The following DENND1B variants were observed in gnomAD, a reference collection of about 807,000 sequenced individuals.
DENND1B encodes DENN domain containing 1B, also known as DENN domain-containing protein 1B.
In DENND1B, 59 loss-of-function variants were observed where a neutral mutation model predicts 90.1. The ratio of observed to expected loss-of-function variants is 0.65; its 90% confidence interval spans 0.53 to 0.81. The LOEUF (loss-of-function observed/expected upper bound fraction) is 0.81, where lower values mean the gene tolerates loss of function less well. Ranked by LOEUF, DENND1B falls within the 40% of genes least tolerant of loss-of-function variation. The pLI, the probability that DENND1B is intolerant of heterozygous loss-of-function variation, is 0.00. For missense variants in DENND1B, 862 were observed against 912.6 expected, an observed-to-expected ratio of 0.94 and a Z score of 0.71; for synonymous variants, 337 against 324.6, an observed-to-expected ratio of 1.04 and a Z score of -0.41.
intron 2 of DENND1B, among the ~76,000 whole-genome samples, chr1:197,756,795 ATTAGAG>A (rs1401783975): frequency 2.6e-5 from 4 of 151,618 alleles, no homozygotes; most frequent in Non-Finnish European, 5.9e-5. Context: ...AGAACCCATA[ATTAGAG>A]TTAATCATTA....
chr1:197,705,648 T>A (rs1401580266), intron 3 of DENND1B, among the ~76,000 whole-genome samples: 5 of 140,882 alleles, frequency 3.5e-5, no homozygotes, highest in Non-Finnish European at 6.1e-5. Flanking sequence ...GGTAGAAATT[T>A]AAAAAAAAAA....
chr1:197,521,427 C>T (rs962685471), intron 20 of DENND1B, among the ~76,000 whole-genome samples: 19 of 151,526 alleles, frequency 1.3e-4, no homozygotes, highest in Admixed American at 5.9e-4. Flanking sequence ...TATAGGCAGA[C>T]GAATGAGAAA....
intron 15 of DENND1B, among the ~76,000 whole-genome samples, chr1:197,574,427 C>T (rs2125744614): frequency 6.6e-6 from 1 of 152,182 alleles, no homozygotes; most frequent in East Asian, 1.9e-4. Flanking sequence ...AACCACTGCT[C>T]AACAAAATAA....
chr1:197,713,825 T>TTATATATAATATATTATATATAA (rs1553334424), intron 3 of DENND1B, among the ~76,000 whole-genome samples: 1 of 44,926 alleles, frequency 2.2e-5, no homozygotes, highest in Non-Finnish European at 4.3e-5. Flanking sequence ...ATATAATATA[T>TTATATATAATATATTATATATAA]TATATATAAT....
At chr1:197,519,268 G>A (rs1245313268) in intron 20 of DENND1B, among the ~76,000 whole-genome samples, 1 of 151,808 alleles carries the variant, frequency 6.6e-6, no homozygotes, top group Non-Finnish European at 1.5e-5. Context: ...TTTAGGTCAG[G>A]CAGAAATGTT....
chr1:197,762,580 T>C (rs1442712742), intron 2 of DENND1B, among the ~76,000 whole-genome samples: 1 of 152,214 alleles, frequency 6.6e-6, no homozygotes, highest in Non-Finnish European at 1.5e-5. Context: ...TCCATGTATT[T>C]AACAACAATC....
At chr1:197,637,820 G>A (rs1679928602) in intron 10 of DENND1B, among the ~76,000 whole-genome samples, 1 of 152,144 alleles carries the variant, frequency 6.6e-6, no homozygotes, top group Non-Finnish European at 1.5e-5. Flanking sequence ...CCACTCTGCT[G>A]CAGCTTTAAA....
At chr1:197,627,436 T>C (rs185191911) in intron 10 of DENND1B, among the ~76,000 whole-genome samples, 51 of 152,262 alleles carry the variant, frequency 3.3e-4, no homozygotes, top group African/African-American at 1.2e-3. Context: ...ACCACATGAT[T>C]ATCTCAACAG....
At chr1:197,757,731 G>A (rs995188326) in intron 2 of DENND1B, among the ~76,000 whole-genome samples, 1 of 152,054 alleles carries the variant, frequency 6.6e-6, no homozygotes, top group African/African-American at 2.4e-5. Context: ...AAGTTATACA[G>A]GAATTCAAAT....
chr1:197,652,270 C>G lies in DENND1B; in HGVS notation c.412G>C (p.Val138Leu). Residue 138 changes from valine to leucine, a missense_variant, in exon 7 of 23, where the codon GTA (valine) becomes CTA (leucine). Physicochemically the swap from Val to Leu is conservative, Grantham distance 32 (BLOSUM62 1). Coordinates refer to ENST00000620048, the MANE Select transcript of DENND1B (RefSeq NM_001195215.2). ...ETLRSLYNHP[V>L]PKANTPVNLS... ...TTTACAGGAGTATTTGCCTTTGGTA[C>G]TGGGTGGTTATACAGTGATCTGAGA... 6.2e-7 allele frequency: 1 copy of G among 1,611,924 alleles called. No homozygotes were observed. Among genetic ancestry groups the G allele is most frequent in the Non-Finnish European group, 8.5e-7 (1 of 1,179,256 alleles).
intron 2 of DENND1B, among the ~76,000 whole-genome samples, chr1:197,740,417 G>A (rs927629173): frequency 1.6e-4 from 24 of 152,026 alleles, no homozygotes; most frequent in African/African-American, 5.6e-4. Flanking sequence ...AAGGCAGAGG[G>A]ATGAATAAAA....
intron 20 of DENND1B, among the ~76,000 whole-genome samples, chr1:197,517,818 CCTT>C (rs1558193461): frequency 6.6e-6 from 1 of 151,864 alleles, no homozygotes; most frequent in African/African-American, 2.4e-5. Context: ...TAAACCGTCT[CCTT>C]CTCTTGTATA....
chr1:197,772,449 T>G (rs116539540), intron 2 of DENND1B, among the ~76,000 whole-genome samples: 3,730 of 152,318 alleles, frequency 0.024, 149 homozygotes, highest in African/African-American at 0.084. Flanking sequence ...TTTAGTAGTA[T>G]TATTTTCCTA....
chr1:197,594,903 T>A (rs2125807130), intron 14 of DENND1B, among the ~76,000 whole-genome samples: 2 of 152,288 alleles, frequency 1.3e-5, no homozygotes, highest in South Asian at 4.1e-4. Flanking sequence ...ATCAGGTAAG[T>A]GTTTTAAAAT....
chr1:197,553,153 T>C (rs1178194559), intron 15 of DENND1B, 41 bp from the exon 16 acceptor site: 2 of 1,436,610 alleles, frequency 1.4e-6, no homozygotes. Context: ...TCAAATAAAA[T>C]GTTATCCAAT....
At chr1:197,546,989 AATACAT>A (rs369261818) in intron 16 of DENND1B, among the ~76,000 whole-genome samples, 37 of 152,332 alleles carry the variant, frequency 2.4e-4, no homozygotes, top group African/African-American at 8.9e-4. Context: ...TAAAAAAAGA[AATACAT>A]ATACAACTTA....
chr1:197,555,626 A>T (rs577320150), intron 15 of DENND1B, among the ~76,000 whole-genome samples: 16 of 152,302 alleles, frequency 1.1e-4, no homozygotes, highest in African/African-American at 3.8e-4. Flanking sequence ...ACTAATCATC[A>T]GAGAGATGCA....
rs571622492 is a variant in DENND1B, at chr1:197,557,682, T to C, written c.1150-4570A>G. Among the ~76,000 whole-genome samples, 13 of 151,986 alleles carry C rather than the reference T, an allele frequency of 8.6e-5. No homozygotes were observed. In the East Asian group the frequency reaches 2.1e-3, roughly 25 times the overall value. ...TATATTATATGTAGATGCATATAAATAGACATCCAGGAATAAACTGAAAAG... is the reference window on the plus strand; with the variant it reads ...TATATTATATGTAGATGCATATAAACAGACATCCAGGAATAAACTGAAAAG... On this transcript the variant is annotated intron_variant, in intron 15 of 22. Coordinates refer to ENST00000620048, the MANE Select transcript of DENND1B (RefSeq NM_001195215.2).
At chr1:197,723,354 C>A (rs1661353368) in intron 2 of DENND1B, among the ~76,000 whole-genome samples, 1 of 152,082 alleles carries the variant, frequency 6.6e-6, no homozygotes, top group African/African-American at 2.4e-5. Context: ...CTTTTCTTCG[C>A]ACTCCTCTGA....
Sources: allele counts gnomAD v4.1 joint callset (sites outside exome capture counted in the v4.1 genomes callset), GRCh38; gene constraint gnomAD v4.1.1; transcripts MANE v1.5; gene names NCBI Gene and HGNC (gene_info 2026-07-23, HGNC 2026-07-21).